The following PHKB variants were observed in gnomAD, a reference collection of about 807,000 sequenced individuals.
The protein encoded by PHKB is phosphorylase b kinase regulatory subunit beta.
In PHKB, 122 loss-of-function variants were observed where a neutral mutation model predicts 152.1. The observed-to-expected ratio is 0.80, with a 90% CI of 0.69 to 0.93. The LOEUF is 0.93. Ranked by LOEUF, PHKB falls within the 40% of genes least tolerant of loss-of-function variation. PHKB has a pLI of 0.00. For synonymous variants in PHKB, 436 were observed against 464.9 expected (o/e 0.94, Z 0.80); for missense variants, 1,304 against 1,328.4 (o/e 0.98, Z 0.29).
Position 47,698,708 on chromosome 16 carries a change from A to G in PHKB, c.3144+120A>G, listed in dbSNP as rs1004149567. On this transcript the variant is annotated intron_variant, in intron 30 of 30. Coordinates refer to ENST00000323584, the MANE Select transcript of PHKB (RefSeq NM_000293.3). Reference sequence around the variant, plus strand: ...TAAAACAGATTCACAGGTGCAAAATAGGATACTTGAGGGGCAGTCTGCCTT... The same window carrying G: ...TAAAACAGATTCACAGGTGCAAAATGGGATACTTGAGGGGCAGTCTGCCTT... The G allele has an allele frequency of 6.1e-6, 5 of 825,318 alleles. No individual in the cohort carries two copies. In the African/African-American group the frequency reaches 8.7e-5, roughly 14 times the overall value. The allele number at this position is 825,318 out of a possible 1,614,324, so 51.1% of individuals were successfully genotyped here.
At chr16:47,566,579 A>AT (rs1406908372) in intron 7 of PHKB, 4 of 1,534,402 alleles carry the variant, frequency 2.6e-6, no homozygotes, top group Non-Finnish European at 3.6e-6. Flanking sequence ...CTTCTGTCAC[A>AT]TCATAGGGTA....
At chr16:47,566,509 G>T in intron 7 of PHKB, 1 of 1,605,840 alleles carries the variant, frequency 6.2e-7, no homozygotes, top group Non-Finnish European at 8.5e-7. Context: ...GGATTGCTGG[G>T]TTCACGTGGT....
intron 1 of PHKB, among the ~76,000 whole-genome samples, chr16:47,488,366 A>G (rs546754480): frequency 1.5e-3 from 234 of 152,190 alleles, no homozygotes; most frequent in Middle Eastern, 3.4e-3. Flanking sequence ...AGAGTTTGCA[A>G]ATTTTTTTCC....
At chr16:47,500,654 G>A (rs1013956140) in intron 3 of PHKB, among the ~76,000 whole-genome samples, 4 of 151,492 alleles carry the variant, frequency 2.6e-5, no homozygotes, top group African/African-American at 9.7e-5. Context: ...CTTCAGCATA[G>A]TATCTCTTAT....
At chr16:47,600,464 A>G (rs916192764) in intron 13 of PHKB, among the ~76,000 whole-genome samples, 3 of 152,250 alleles carry the variant, frequency 2.0e-5, no homozygotes, top group African/African-American at 7.2e-5. Context: ...CAAATTTGAA[A>G]GTTTAGAAAC....
intron 6 of PHKB, among the ~76,000 whole-genome samples, chr16:47,524,226 T>C (rs1297570272): frequency 6.6e-6 from 1 of 152,220 alleles, no homozygotes; most frequent in Non-Finnish European, 1.5e-5. Context: ...TTCCGTGATT[T>C]GGATTCCGTT....
At chr16:47,625,537 G>A (rs963813903) in intron 14 of PHKB, among the ~76,000 whole-genome samples, 9 of 151,956 alleles carry the variant, frequency 5.9e-5, no homozygotes, top group African/African-American at 2.2e-4. Flanking sequence ...CCTCCTCAGG[G>A]CCTTTGCACA....
intron 7 of PHKB, 123 bp from the exon 8 acceptor site, chr16:47,580,172 C>A: frequency 1.3e-6 from 1 of 759,442 alleles, no homozygotes; most frequent in South Asian, 1.6e-5. Context: ...AGACATTATT[C>A]TTCTTACAGA....
intron 17 of PHKB, 134 bp from the exon 18 acceptor site, chr16:47,648,966 A>G: frequency 1.5e-6 from 1 of 672,106 alleles, no homozygotes; most frequent in Non-Finnish European, 2.7e-6. Flanking sequence ...TATTATCTGG[A>G]TGTCGCAAGC....
At position 47,506,408 on chromosome 16, in the gene PHKB, A is replaced by G. The variant is rs1289557459; in HGVS notation, c.405+3318A>G. ...TGTCTATTGAGATTTGTACAAATCA[A>G]TATTGCAAAGGTTTTTCAGATGCTT... is the stretch of plus-strand genomic sequence containing the variant. On this transcript the variant is annotated intron_variant, in intron 4 of 30. Coordinates refer to ENST00000323584, the MANE Select transcript of PHKB (RefSeq NM_000293.3). Among the ~76,000 whole-genome samples, 9 of 152,390 alleles carry G rather than the reference A, an allele frequency of 5.9e-5. No homozygotes were observed. In the East Asian group the frequency reaches 1.5e-3, roughly 26 times the overall value.
intron 8 of PHKB, among the ~76,000 whole-genome samples, chr16:47,582,273 T>A (rs1971860410): frequency 6.6e-6 from 1 of 152,228 alleles, no homozygotes; most frequent in African/African-American, 2.4e-5. Context: ...TCTTAGTGTA[T>A]GTTGCTTACA....
intron 26 of PHKB, among the ~76,000 whole-genome samples, chr16:47,677,455 C>T (rs760974839): frequency 6.6e-6 from 1 of 152,210 alleles, no homozygotes; most frequent in Non-Finnish European, 1.5e-5. Flanking sequence ...AATCTGCAGG[C>T]TGGAAAGGCC....
chr16:47,470,429 A>T (rs11648954), intron 1 of PHKB, among the ~76,000 whole-genome samples: 8,166 of 152,290 alleles, frequency 0.054, 311 homozygotes, highest in Non-Finnish European at 0.078. Context: ...TGGGCGGGCC[A>T]GGTGTTCCTT....
intron 6 of PHKB, among the ~76,000 whole-genome samples, chr16:47,521,402 C>G (rs1166571726): frequency 6.6e-6 from 1 of 152,002 alleles, no homozygotes; most frequent in African/African-American, 2.4e-5. Flanking sequence ...CCCTGTAATC[C>G]CAGCACTTAG....
intron 14 of PHKB, among the ~76,000 whole-genome samples, chr16:47,620,754 G>T (rs761708750): frequency 6.6e-6 from 1 of 152,048 alleles, no homozygotes; most frequent in African/African-American, 2.4e-5. Context: ...TGTACTTGTA[G>T]TCCCAGCTAC....
At chr16:47,535,198 A>G (rs902716650) in intron 6 of PHKB, among the ~76,000 whole-genome samples, 1 of 152,224 alleles carries the variant, frequency 6.6e-6, no homozygotes, top group African/African-American at 2.4e-5. Context: ...AGACAAATTA[A>G]CTGACAAATA....
At chr16:47,539,862 T>A (rs1459256205) in intron 6 of PHKB, among the ~76,000 whole-genome samples, 2 of 152,184 alleles carry the variant, frequency 1.3e-5, no homozygotes. Flanking sequence ...GTGATGATTG[T>A]GTTAGCTGTA....
chr16:47,565,731 G>A, intron 7 of PHKB: 1 of 1,483,714 alleles, frequency 6.7e-7, no homozygotes, highest in Admixed American at 1.7e-5. Context: ...TTCTAGTTTT[G>A]GCTCATCCAG....
At chr16:47,689,730 G>A (rs1597184152) in intron 27 of PHKB, among the ~76,000 whole-genome samples, 1 of 152,186 alleles carries the variant, frequency 6.6e-6, no homozygotes, top group Non-Finnish European at 1.5e-5. Context: ...TATTTATTGA[G>A]TACATTTGTG....
Sources: allele counts gnomAD v4.1 joint callset (sites outside exome capture counted in the v4.1 genomes callset), GRCh38; gene constraint gnomAD v4.1.1; transcripts MANE v1.5; gene names NCBI Gene and HGNC (gene_info 2026-07-23, HGNC 2026-07-21).